BBX: variants seen among roughly 807,000 people sequenced by gnomAD.
BBX encodes HMG box transcription factor BBX.
In BBX, 30 loss-of-function variants were observed where a neutral mutation model predicts 100.2. The observed-to-expected ratio is 0.30, with a 90% confidence interval of 0.22 to 0.41. The LOEUF (loss-of-function observed/expected upper bound fraction) is 0.41, where lower values mean the gene tolerates loss of function less well. BBX is among the 10% of genes least tolerant of loss of function. The pLI is 1.00. For missense variants in BBX, 1,023 were observed against 1,129.8 expected (o/e 0.91, Z 1.35); for synonymous variants, 376 against 388.1 (o/e 0.97, Z 0.37).
At chr3:107,667,931 A>G (rs1365770198) in intron 3 of BBX, among the ~76,000 whole-genome samples, 3 of 152,172 alleles carry the variant, frequency 2.0e-5, no homozygotes, top group African/African-American at 4.8e-5. Flanking sequence ...TGTAATTTTG[A>G]TGAAAAAGAA....
At chr3:107,740,347 T>C (rs1348458975) in intron 7 of BBX, among the ~76,000 whole-genome samples, 1 of 152,024 alleles carries the variant, frequency 6.6e-6, no homozygotes, top group Non-Finnish European at 1.5e-5. Context: ...ACACAGGCAT[T>C]GTGTTTCTGA....
At chr3:107,593,878 T>C (rs750702324) in intron 2 of BBX, among the ~76,000 whole-genome samples, 20 of 152,226 alleles carry the variant, frequency 1.3e-4, no homozygotes, top group Non-Finnish European at 2.5e-4. Flanking sequence ...AACACAGTTA[T>C]TCAAAGGAAC....
intron 13 of BBX, among the ~76,000 whole-genome samples, chr3:107,781,202 C>T (rs186981774): frequency 4.6e-5 from 7 of 152,102 alleles, no homozygotes; most frequent in Admixed American, 3.9e-4. Flanking sequence ...CCAGTAGTCT[C>T]CATATTCGTA....
intron 2 of BBX, among the ~76,000 whole-genome samples, chr3:107,533,139 G>T (rs536439766): frequency 6.6e-6 from 1 of 152,206 alleles, no homozygotes; most frequent in East Asian, 1.9e-4. Flanking sequence ...TATTATCCTA[G>T]ATATAGCTAG....
intron 2 of BBX, among the ~76,000 whole-genome samples, chr3:107,634,243 TAGAC>T (rs1222083564): frequency 5.3e-5 from 8 of 152,326 alleles, no homozygotes; most frequent in African/African-American, 1.7e-4. Context: ...ATTTTTAACT[TAGAC>T]AGATGTCTGT....
chr3:107,751,760 C>T lies in BBX; in HGVS notation c.825+3721C>T, dbSNP rs549472367. ...GACTGCAGGGACAGTTTCTCACTCACCACCCCCAATTTCAGCCTGTCTCCC... is the reference window on the plus strand; with the variant it reads ...GACTGCAGGGACAGTTTCTCACTCATCACCCCCAATTTCAGCCTGTCTCCC... On this transcript the variant is annotated intron_variant, in intron 9 of 17. Coordinates refer to ENST00000325805, the MANE Select transcript of BBX (RefSeq NM_001142568.3). 2.6e-4 allele frequency among the ~76,000 whole-genome samples: 38 copies of T among 148,974 alleles called. No individual in the cohort carries two copies. In the South Asian group the frequency reaches 5.8e-3, roughly 23 times the overall value.
intron 13 of BBX, among the ~76,000 whole-genome samples, chr3:107,782,352 A>T (rs1269634566): frequency 6.6e-6 from 1 of 152,096 alleles, no homozygotes; most frequent in Non-Finnish European, 1.5e-5. Flanking sequence ...TACAAGTCCA[A>T]TACAGAAATG....
intron 2 of BBX, among the ~76,000 whole-genome samples, chr3:107,555,722 C>T (rs368827278): frequency 6.6e-6 from 1 of 152,098 alleles, no homozygotes. Context: ...ATGCTGAAAG[C>T]GTCTCTGGTT....
At chr3:107,691,658 C>G (rs1034301148) in intron 3 of BBX, among the ~76,000 whole-genome samples, 4 of 152,128 alleles carry the variant, frequency 2.6e-5, no homozygotes, top group African/African-American at 9.7e-5. Flanking sequence ...ATTTCCTTGG[C>G]AAATGTGCAG....
At chr3:107,718,862 T>C (rs937116016) in intron 5 of BBX, among the ~76,000 whole-genome samples, 1 of 152,072 alleles carries the variant, frequency 6.6e-6, no homozygotes, top group Non-Finnish European at 1.5e-5. Context: ...TGTTTGTAGT[T>C]GCTGTTAGGA....
chr3:107,666,696 T>C (rs1024697230), intron 3 of BBX, among the ~76,000 whole-genome samples: 1 of 152,134 alleles, frequency 6.6e-6, no homozygotes, highest in Non-Finnish European at 1.5e-5. Flanking sequence ...CTCAGCCTCC[T>C]GAGTAGCTGG....
intron 3 of BBX, among the ~76,000 whole-genome samples, chr3:107,654,202 T>G (rs2058005203): frequency 6.6e-6 from 1 of 152,216 alleles, no homozygotes; most frequent in South Asian, 2.1e-4. Flanking sequence ...AGATCATCTT[T>G]CAATTCATTT....
At chr3:107,633,866 A>G (rs1466946330) in intron 2 of BBX, among the ~76,000 whole-genome samples, 1 of 152,164 alleles carries the variant, frequency 6.6e-6, no homozygotes, top group Non-Finnish European at 1.5e-5. Context: ...TAACATTTTC[A>G]TTTCCTTCAA....
intron 2 of BBX, chr3:107,638,501 G>A (rs1245542634): frequency 6.6e-6 from 1 of 152,034 alleles, no homozygotes; most frequent in Non-Finnish European, 1.5e-5. Flanking sequence ...TTCCTTATCA[G>A]GAATATCCTT....
At chr3:107,717,399 A>C (rs913268850) in intron 5 of BBX, among the ~76,000 whole-genome samples, 2 of 151,706 alleles carry the variant, frequency 1.3e-5, no homozygotes, top group African/African-American at 2.4e-5. Context: ...TTTCTTTCCT[A>C]ATGTTATTGG....
chr3:107,564,204 T>G (rs2050709254), intron 2 of BBX, among the ~76,000 whole-genome samples: 1 of 152,208 alleles, frequency 6.6e-6, no homozygotes, highest in East Asian at 1.9e-4. Context: ...TCTTGCCCAT[T>G]TCACTATTGG....
chr3:107,721,272 C>G (rs2062505047), intron 5 of BBX, among the ~76,000 whole-genome samples: 1 of 151,974 alleles, frequency 6.6e-6, no homozygotes, highest in African/African-American at 2.4e-5. Context: ...CTTTGTGAGA[C>G]TTTTGTGAAT....
chr3:107,788,044 T>A (rs1179851914), intron 13 of BBX, among the ~76,000 whole-genome samples: 1 of 152,232 alleles, frequency 6.6e-6, no homozygotes, highest in Non-Finnish European at 1.5e-5. Context: ...TGACTTTTCA[T>A]ATACACCCAA....
intron 2 of BBX, among the ~76,000 whole-genome samples, chr3:107,590,874 CTGGTT>C (rs1225834349): frequency 6.6e-6 from 1 of 152,166 alleles, no homozygotes; most frequent in East Asian, 1.9e-4. Flanking sequence ...AGGAATTAAG[CTGGTT>C]TGGAGTATGG....
Sources: gnomAD v4.1 joint callset for allele counts (sites outside exome capture counted in the v4.1 genomes callset) on GRCh38, gnomAD v4.1.1 for gene constraint, MANE v1.5 for transcripts, NCBI Gene and HGNC (gene_info 2026-07-23, HGNC 2026-07-21) for gene names.